IL1RAPL2: variants seen among roughly 807,000 people sequenced by gnomAD.
IL1RAPL2 encodes interleukin 1 receptor accessory protein like 2.
In IL1RAPL2, 3 loss-of-function variants were observed where a neutral mutation model predicts 44.1. The observed-to-expected ratio is 0.07, with a 90% CI of 0.03 to 0.18. The LOEUF (loss-of-function observed/expected upper bound fraction) is 0.18. Ranked by LOEUF, IL1RAPL2 falls within the 10% of genes least tolerant of loss-of-function variation. IL1RAPL2 has a pLI of 1.00. For synonymous variants in IL1RAPL2, 181 were observed against 178.8 expected (o/e 1.01, Z -0.10); for missense variants, 391 against 496.4 (o/e 0.79, Z 2.02).
intron 5 of IL1RAPL2, among the ~76,000 whole-genome samples, chrX:105,435,688 T>G (rs2035876952): frequency 8.9e-6 from 1 of 111,935 alleles, no homozygotes; most frequent in African/African-American, 3.2e-5. Flanking sequence ...GTGGTACATA[T>G]ACACCAGGGA....
intron 4 of IL1RAPL2, among the ~76,000 whole-genome samples, chrX:105,240,523 A>G (rs1379820702): frequency 2.7e-5 from 3 of 112,131 alleles, no homozygotes; most frequent in African/African-American, 9.7e-5. Flanking sequence ...AAGTTATGAG[A>G]AACCCGTATT....
At chrX:105,048,732 A>G (rs1032116663) in intron 2 of IL1RAPL2, among the ~76,000 whole-genome samples, 4 of 111,761 alleles carry the variant, frequency 3.6e-5, no homozygotes, top group Non-Finnish European at 7.5e-5. Context: ...AACAAAACAA[A>G]CAGGATATGA....
At chrX:105,074,330 T>A (rs2147540843) in intron 2 of IL1RAPL2, among the ~76,000 whole-genome samples, 1 of 111,614 alleles carries the variant, frequency 9.0e-6, no homozygotes, top group South Asian at 3.8e-4. Context: ...TTTGTCAGGT[T>A]TGTCAAAGAT....
At chrX:104,677,631 C>G (rs892286923) in intron 2 of IL1RAPL2, among the ~76,000 whole-genome samples, 12 of 112,636 alleles carry the variant, frequency 1.1e-4, no homozygotes, top group Non-Finnish European at 1.3e-4. Flanking sequence ...CTGCCCAGTT[C>G]GAGCTTCATG....
At chrX:105,437,024 CGT>C (rs2035886641) in intron 5 of IL1RAPL2, among the ~76,000 whole-genome samples, 2 of 82,312 alleles carry the variant, frequency 2.4e-5, no homozygotes, top group Admixed American at 1.4e-4. Context: ...AAAATATAAA[CGT>C]ATATATATAT....
At chrX:104,879,194 C>T (rs1234284171) in intron 2 of IL1RAPL2, among the ~76,000 whole-genome samples, 1 of 109,806 alleles carries the variant, frequency 9.1e-6, no homozygotes, top group Admixed American at 9.7e-5. Flanking sequence ...CGATCCATTG[C>T]TAGTTGAAAT....
At chrX:105,267,583 A>G in intron 5 of IL1RAPL2, 42 bp downstream of exon 5, 1 of 1,074,062 alleles carries the variant, frequency 9.3e-7, no homozygotes. Context: ...TGAGATTTTA[A>G]GTATAATTTG....
chrX:104,848,840 T>G (rs921295003), intron 2 of IL1RAPL2, among the ~76,000 whole-genome samples: 2 of 110,700 alleles, frequency 1.8e-5, no homozygotes, highest in Non-Finnish European at 3.8e-5. Flanking sequence ...AAATAAAATT[T>G]AAGTATTCAA....
At chrX:105,478,051 C>T (rs1396810244) in intron 5 of IL1RAPL2, among the ~76,000 whole-genome samples, 1 of 110,732 alleles carries the variant, frequency 9.0e-6, no homozygotes, top group Non-Finnish European at 1.9e-5. Context: ...CCCAGGAATG[C>T]CATTCACATG....
chrX:105,701,608 A>ACCTGCCTG (rs746611491), intron 6 of IL1RAPL2, among the ~76,000 whole-genome samples: 130 of 110,427 alleles, frequency 1.2e-3, no homozygotes, highest in Non-Finnish European at 2.0e-3. Context: ...CCACTTACCT[A>ACCTGCCTG]CCTGCCTGCC....
At chrX:104,761,960 CTT>C (rs1932462678) in intron 2 of IL1RAPL2, among the ~76,000 whole-genome samples, 1 of 96,590 alleles carries the variant, frequency 1.0e-5, no homozygotes, top group African/African-American at 4.1e-5. Context: ...TCTTCTTCTT[CTT>C]CTTCTTCTTC....
At chrX:105,188,169 A>G (rs1556135051) in intron 2 of IL1RAPL2, among the ~76,000 whole-genome samples, 1 of 111,246 alleles carries the variant, frequency 9.0e-6, no homozygotes, top group Non-Finnish European at 1.9e-5. Context: ...GTGGTCAGTG[A>G]GAAGAGAAAG....
At chrX:105,117,925 T>C (rs986446181) in intron 2 of IL1RAPL2, among the ~76,000 whole-genome samples, 1 of 112,032 alleles carries the variant, frequency 8.9e-6, no homozygotes, top group Non-Finnish European at 1.9e-5. Context: ...GGGATATTGT[T>C]GAGATCATTA....
Position 104,970,789 on chromosome X carries a change from T to A in IL1RAPL2, c.83-224686T>A, listed in dbSNP as rs192120526. Among the ~76,000 whole-genome samples, 8 of 111,821 alleles carry A rather than the reference T, an allele frequency of 7.2e-5. No individual in the cohort carries two copies. The East Asian group carries it at 2.3e-3, about 32-fold the overall frequency. ...TTTAACCTTAAGGGGGATGCAAAAG[T>A]GCAGAGGTACATCTTTGTAACTGCA... On this transcript the variant is annotated intron_variant, in intron 2 of 10. Transcript: ENST00000372582.
chrX:105,048,196 G>A (rs1569369719), intron 2 of IL1RAPL2, among the ~76,000 whole-genome samples: 1 of 112,140 alleles, frequency 8.9e-6, no homozygotes, highest in East Asian at 2.8e-4. Flanking sequence ...AGATATTAAT[G>A]AGGTTTTCAT....
At chrX:105,477,950 T>C (rs2036208894) in intron 5 of IL1RAPL2, among the ~76,000 whole-genome samples, 1 of 111,471 alleles carries the variant, frequency 9.0e-6, no homozygotes, top group South Asian at 3.8e-4. Context: ...ATTATTGTTT[T>C]AATTAATAAA....
chrX:105,094,840 G>A (rs1168610319), intron 2 of IL1RAPL2, among the ~76,000 whole-genome samples: 2 of 111,154 alleles, frequency 1.8e-5, no homozygotes, highest in African/African-American at 6.5e-5. Flanking sequence ...AGCTTACTTA[G>A]GTCTTTAATT....
At chrX:104,862,010 A>G (rs1274048945) in intron 2 of IL1RAPL2, among the ~76,000 whole-genome samples, 1 of 110,576 alleles carries the variant, frequency 9.0e-6, no homozygotes, top group African/African-American at 3.3e-5. Context: ...AGGCAGACAA[A>G]CGGAAGGGGG....
intron 2 of IL1RAPL2, among the ~76,000 whole-genome samples, chrX:105,184,200 C>T (rs1278138360): frequency 9.0e-6 from 1 of 111,535 alleles, no homozygotes; most frequent in Non-Finnish European, 1.9e-5. Context: ...CCTGTCACTT[C>T]TTTGTTGAAA....
Sources: gnomAD v4.1 joint callset for allele counts (sites outside exome capture counted in the v4.1 genomes callset) on GRCh38, gnomAD v4.1.1 for gene constraint, MANE v1.5 for transcripts, NCBI Gene and HGNC (gene_info 2026-07-23, HGNC 2026-07-21) for gene names.